DSCAML1: variants seen among roughly 807,000 people sequenced by gnomAD.
The protein encoded by DSCAML1 is cell adhesion molecule DSCAML1.
Under a neutral mutation model 200.5 loss-of-function variants are expected in DSCAML1, and 38 were observed. The ratio of observed to expected loss-of-function variants is 0.19; its 90% CI spans 0.15 to 0.25. The LOEUF (loss-of-function observed/expected upper bound fraction) is 0.25. DSCAML1 is among the 10% of genes least tolerant of loss of function. DSCAML1 has a pLI of 1.00. For missense variants in DSCAML1, 2,223 were observed against 2,858.8 expected (o/e 0.78, Z 5.07); for synonymous variants, 1,215 against 1,165.0 (o/e 1.04, Z -0.87).
At chr11:117,610,761 ACTC>A in intron 3 of DSCAML1, among the ~76,000 whole-genome samples, 1 of 149,286 alleles carries the variant, frequency 6.7e-6, no homozygotes, top group Non-Finnish European at 1.5e-5. Flanking sequence ...TTATTTAACT[ACTC>A]CTGAGCATTT....
At position 117,458,742 on chromosome 11, in the gene DSCAML1, G is replaced by A. The variant is rs761166322; in HGVS notation, c.3568+12C>T. 1.2e-6 allele frequency: 2 copies of A among 1,611,060 alleles called. No homozygotes were observed. Among genetic ancestry groups the A allele is most frequent in the Non-Finnish European group, 1.7e-6 (2 of 1,179,782 alleles). ...CAGGGCCAGCCTGTCCCAAGGAGAG[G>A]CCTGGACTCACCGTCCTCCTTGGTC... On this transcript the variant is annotated intron_variant, in intron 19 of 32. Coordinates refer to ENST00000651296, the MANE Select transcript of DSCAML1 (RefSeq NM_020693.4).
chr11:117,475,443 ATTC>A (rs2048771387), intron 14 of DSCAML1, among the ~76,000 whole-genome samples: 2 of 151,976 alleles, frequency 1.3e-5, no homozygotes, highest in African/African-American at 2.4e-5. Context: ...ATCTTTCTCT[ATTC>A]TTCTCCTCCT....
chr11:117,662,998 G>A (rs1591374949), intron 3 of DSCAML1, among the ~76,000 whole-genome samples: 1 of 150,788 alleles, frequency 6.6e-6, no homozygotes, highest in Non-Finnish European at 1.5e-5. Context: ...TACCGGAGTT[G>A]TCATTGCCTT....
intron 3 of DSCAML1, among the ~76,000 whole-genome samples, chr11:117,651,976 C>T (rs1290664352): frequency 6.6e-6 from 1 of 152,148 alleles, no homozygotes; most frequent in African/African-American, 2.4e-5. Context: ...CTAGGGCAGC[C>T]CAGGCTCACC....
intron 3 of DSCAML1, among the ~76,000 whole-genome samples, chr11:117,654,544 G>C (rs2052695861): frequency 6.6e-6 from 1 of 152,152 alleles, no homozygotes; most frequent in African/African-American, 2.4e-5. Context: ...TGGCTCAGAG[G>C]AGCGCTGCAA....
intron 20 of DSCAML1, among the ~76,000 whole-genome samples, chr11:117,448,579 T>C (rs1298650928): frequency 9.0e-5 from 13 of 144,952 alleles, no homozygotes; most frequent in Admixed American, 1.5e-4. Flanking sequence ...AGAGGCACAG[T>C]ATTGTCCAGA....
At chr11:117,614,922 A>C (rs1028034450) in intron 3 of DSCAML1, among the ~76,000 whole-genome samples, 13 of 152,202 alleles carry the variant, frequency 8.5e-5, no homozygotes, top group African/African-American at 2.2e-4. Flanking sequence ...CCTGAGGCTG[A>C]GTTAGGCTGC....
At chr11:117,514,176 T>C (rs2049707614) in intron 8 of DSCAML1, among the ~76,000 whole-genome samples, 1 of 152,148 alleles carries the variant, frequency 6.6e-6, no homozygotes, top group South Asian at 2.1e-4. Flanking sequence ...ACCCCTCTTC[T>C]CTTTTTCTTC....
chr11:117,794,757 C>T (rs1378664476), intron 1 of DSCAML1, among the ~76,000 whole-genome samples: 1 of 151,908 alleles, frequency 6.6e-6, no homozygotes, highest in Non-Finnish European at 1.5e-5. Context: ...CTCTGCCACC[C>T]CCTACCACGC....
At position 117,532,271 on chromosome 11, in the gene DSCAML1, A is replaced by G. The variant is rs899620274; in HGVS notation, c.658+105T>C. 27 of 1,160,038 alleles carry G rather than the reference A, an allele frequency of 2.3e-5. No homozygotes were observed. The Admixed American group carries it at 2.8e-4, about 12-fold the overall frequency. The allele number at this position is 1,160,038 out of a possible 1,614,324, so 71.9% of individuals were successfully genotyped here. ...ATCTCTTTCTCTGATTTCCCTGAGTACACAGGGGGCTCCTCCATCTGCGGT... is the reference window on the plus strand; with the variant it reads ...ATCTCTTTCTCTGATTTCCCTGAGTGCACAGGGGGCTCCTCCATCTGCGGT... On this transcript the variant is annotated intron_variant, in intron 4 of 32. Coordinates refer to ENST00000651296, the MANE Select transcript of DSCAML1 (RefSeq NM_020693.4).
rs184015551 is a variant in DSCAML1 at position 117,460,657 on chromosome 11, G to A, written c.3412+793C>T. Among the ~76,000 whole-genome samples, 406 of 152,234 alleles carry A rather than the reference G, an allele frequency of 2.7e-3. 1 individual carries two copies. The highest frequency in any genetic ancestry group is 9.4e-3 in the African/African-American group (390 of 41,542). ...GTGGGCAGGAGCTTGGTGTGCCTGC[G>A]GGAAGCTACTCAAACCTGTTTGCAC... On this transcript the variant is annotated intron_variant, in intron 18 of 32. Transcript: ENST00000651296.
intron 3 of DSCAML1, among the ~76,000 whole-genome samples, chr11:117,666,462 G>T (rs1565861843): frequency 6.6e-6 from 1 of 152,132 alleles, no homozygotes; most frequent in East Asian, 1.9e-4. Context: ...CTTATCCCTG[G>T]TTTGACTTTC....
chr11:117,506,658 C>T (rs1043535145), intron 8 of DSCAML1, among the ~76,000 whole-genome samples: 1 of 151,276 alleles, frequency 6.6e-6, no homozygotes, highest in Non-Finnish European at 1.5e-5. Context: ...AGTGATCCTC[C>T]CATCTCAGCC....
Position 117,458,916 on chromosome 11 carries a change from G to A in DSCAML1, c.3413-7C>T. 1 of 1,612,442 alleles carries A rather than the reference G, an allele frequency of 6.2e-7. No homozygotes were observed. Among genetic ancestry groups the A allele is most frequent in the Non-Finnish European group, 8.5e-7 (1 of 1,179,538 alleles). Reference sequence around the variant, plus strand: ...TTCTGCATCTCGCCCCACTCTGCCAGAGACCAGCAAACTCTGAGGACCCAG... The same window carrying A: ...TTCTGCATCTCGCCCCACTCTGCCAAAGACCAGCAAACTCTGAGGACCCAG... On this transcript the variant is annotated splice_region_variant and splice_polypyrimidine_tract_variant and intron_variant, in intron 18 of 32. Coordinates refer to ENST00000651296, the MANE Select transcript of DSCAML1 (RefSeq NM_020693.4).
At position 117,439,810 on chromosome 11, in the gene DSCAML1, G is replaced by A. The variant is rs182341966; in HGVS notation, c.3980+9C>T. On this transcript the variant is annotated intron_variant, in intron 22 of 32. Transcript: ENST00000651296. ...GGCCACCCCATCCCTCCACTGTCCC[G>A]ACACACACCTGTCCTTGGTCCACTT... is the stretch of plus-strand genomic sequence containing the variant. The A allele has an allele frequency of 2.0e-3, 3,269 of 1,611,770 alleles. 7 individuals are homozygous for A. Among genetic ancestry groups the A allele is most frequent in the Non-Finnish European group, 2.5e-3 (2,984 of 1,178,002 alleles).
At chr11:117,595,463 T>C (rs1303149957) in intron 3 of DSCAML1, among the ~76,000 whole-genome samples, 1 of 152,218 alleles carries the variant, frequency 6.6e-6, no homozygotes, top group African/African-American at 2.4e-5. Flanking sequence ...GCTTTTTTCA[T>C]TTTATATTCC....
intron 20 of DSCAML1, among the ~76,000 whole-genome samples, chr11:117,445,372 T>G (rs949277132): frequency 6.6e-5 from 10 of 152,194 alleles, no homozygotes; most frequent in African/African-American, 2.4e-4. Flanking sequence ...CCCTGGTGGT[T>G]GGGAAGCCCT....
chr11:117,740,825 G>A (rs1306110499), intron 3 of DSCAML1, among the ~76,000 whole-genome samples: 2 of 152,200 alleles, frequency 1.3e-5, no homozygotes, highest in Non-Finnish European at 1.5e-5. Flanking sequence ...CTGCACACTC[G>A]CATCTCCAGA....
chr11:117,487,796 G>A (rs1359267079), intron 11 of DSCAML1, among the ~76,000 whole-genome samples: 2 of 152,172 alleles, frequency 1.3e-5, no homozygotes, highest in African/African-American at 4.8e-5. Flanking sequence ...TGCAAGGGGG[G>A]AAGGGAAGAC....
Sources: gnomAD v4.1 joint callset for allele counts (sites outside exome capture counted in the v4.1 genomes callset) on GRCh38, gnomAD v4.1.1 for gene constraint, MANE v1.5 for transcripts, NCBI Gene and HGNC (gene_info 2026-07-23, HGNC 2026-07-21) for gene names.